The following SLC30A8 variants were observed in gnomAD, a reference collection of about 807,000 sequenced individuals.
The protein encoded by SLC30A8 is proton-coupled zinc antiporter SLC30A8.
In SLC30A8, 27 loss-of-function variants were observed where a neutral mutation model predicts 36.9. That is an observed-to-expected ratio of 0.73 (90% confidence interval 0.54 to 1.01). The LOEUF is 1.01. SLC30A8 is among the 50% of genes least tolerant of loss of function. The pLI is 0.00. For synonymous variants in SLC30A8, 164 were observed against 172.4 expected, an observed-to-expected ratio of 0.95 and a Z score of 0.38; for missense variants, 439 against 452.0, an observed-to-expected ratio of 0.97 and a Z score of 0.26.
At chr8:117,160,054 C>T (rs1041115210) in intron 4 of SLC30A8, among the ~76,000 whole-genome samples, 3 of 152,122 alleles carry the variant, frequency 2.0e-5, no homozygotes, top group African/African-American at 7.2e-5. Context: ...AATATTTTCT[C>T]CAAGAACTGG....
intron 1 of SLC30A8, among the ~76,000 whole-genome samples, chr8:117,030,259 A>T (rs1426504572): frequency 9.4e-6 from 1 of 106,012 alleles, no homozygotes; most frequent in Non-Finnish European, 2.2e-5. Context: ...TGCTTTTGTT[A>T]AAAAAAAAAA....
chr8:116,967,055 T>A (rs1814621746), intron 1 of SLC30A8, among the ~76,000 whole-genome samples: 1 of 152,230 alleles, frequency 6.6e-6, no homozygotes, highest in African/African-American at 2.4e-5. Flanking sequence ...TAAACAGCTA[T>A]AGCTTGTCAT....
chr8:117,037,227 G>A (rs1222858931), intron 1 of SLC30A8, among the ~76,000 whole-genome samples: 2 of 152,034 alleles, frequency 1.3e-5, no homozygotes, highest in African/African-American at 2.4e-5. Context: ...AATGTTTTAG[G>A]CATTCTCTGT....
chr8:117,118,096 A>G (rs1474083162), intron 2 of SLC30A8, among the ~76,000 whole-genome samples: 1 of 151,640 alleles, frequency 6.6e-6, no homozygotes, highest in African/African-American at 2.4e-5. Context: ...TAACTTCTTA[A>G]AGACTTAGCT....
chr8:116,968,479 G>A (rs1814675940), intron 1 of SLC30A8, among the ~76,000 whole-genome samples: 1 of 151,628 alleles, frequency 6.6e-6, no homozygotes, highest in South Asian at 2.1e-4. Flanking sequence ...ATTCATGGCA[G>A]AGACAGAGAG....
chr8:117,119,879 C>T (rs982650525), intron 2 of SLC30A8, among the ~76,000 whole-genome samples: 3 of 151,788 alleles, frequency 2.0e-5, no homozygotes, highest in African/African-American at 7.3e-5. Context: ...AAAACAATCC[C>T]ATTTACAATA....
At chr8:117,107,681 A>G (rs117782936) in intron 2 of SLC30A8, among the ~76,000 whole-genome samples, 2,398 of 152,240 alleles carry the variant, frequency 0.016, 28 homozygotes, top group Non-Finnish European at 0.021. Flanking sequence ...ATCCATTGCT[A>G]TAAGAGAACC....
chr8:117,146,804 G>C (rs904302130), intron 1 of SLC30A8, 150 bp from the exon 2 acceptor site: 9 of 1,433,038 alleles, frequency 6.3e-6, no homozygotes, highest in Non-Finnish European at 8.2e-6. Flanking sequence ...TCTAACACTT[G>C]ATATTTTCTT....
At chr8:116,978,073 C>T (rs1229725207) in intron 1 of SLC30A8, among the ~76,000 whole-genome samples, 1 of 152,048 alleles carries the variant, frequency 6.6e-6, no homozygotes, top group African/African-American at 2.4e-5. Context: ...AAGAAAAGCA[C>T]CCTTCCCATT....
intron 2 of SLC30A8, among the ~76,000 whole-genome samples, chr8:117,098,123 AG>A (rs1819542876): frequency 6.9e-6 from 1 of 145,614 alleles, no homozygotes. Context: ...GCTAAGTAAC[AG>A]GGTAGAAAAG....
At chr8:117,082,489 C>G (rs139048763) in intron 2 of SLC30A8, among the ~76,000 whole-genome samples, 1 of 152,034 alleles carries the variant, frequency 6.6e-6, no homozygotes, top group African/African-American at 2.4e-5. Context: ...TTTTCAGGTA[C>G]CAAAAATTCA....
At chr8:117,163,128 G>T (rs1397422734) in intron 5 of SLC30A8, among the ~76,000 whole-genome samples, 1 of 152,224 alleles carries the variant, frequency 6.6e-6, no homozygotes, top group Non-Finnish European at 1.5e-5. Flanking sequence ...TAATCTGCAA[G>T]AAGTTAAATC....
At chr8:117,124,752 C>T (rs948482619) in intron 2 of SLC30A8, among the ~76,000 whole-genome samples, 1 of 150,804 alleles carries the variant, frequency 6.6e-6, no homozygotes, top group Non-Finnish European at 1.5e-5. Context: ...ACATTGAGCA[C>T]ATTATGTACA....
intron 2 of SLC30A8, among the ~76,000 whole-genome samples, chr8:117,107,496 A>G (rs1039547163): frequency 2.0e-4 from 31 of 152,186 alleles, no homozygotes; most frequent in Admixed American, 1.8e-3. Context: ...ACACTGGTCA[A>G]TTATTAAAGA....
chr8:116,975,994 G>A (rs554782242), intron 1 of SLC30A8, among the ~76,000 whole-genome samples: 3 of 152,286 alleles, frequency 2.0e-5, no homozygotes, highest in Admixed American at 2.0e-4. Context: ...AGGAGAATGG[G>A]TTGAACTAGA....
chr8:117,000,639 AAAAG>A (rs1425367522), intron 1 of SLC30A8, among the ~76,000 whole-genome samples: 9 of 152,210 alleles, frequency 5.9e-5, no homozygotes. Context: ...AGACAGAAAA[AAAAG>A]AAAAAGCAAT....
chr8:117,127,308 T>C (rs980943166), intron 2 of SLC30A8, among the ~76,000 whole-genome samples: 3 of 152,070 alleles, frequency 2.0e-5, no homozygotes. Flanking sequence ...ACTTACTTTT[T>C]CTTTGGTAAT....
At chr8:117,069,556 A>G (rs190610276) in intron 2 of SLC30A8, among the ~76,000 whole-genome samples, 24 of 152,344 alleles carry the variant, frequency 1.6e-4, no homozygotes, top group African/African-American at 4.8e-4. Flanking sequence ...GGGGTTCCAG[A>G]GAAGAGTACA....
At chr8:117,011,413 C>CA (rs1816341156) in intron 1 of SLC30A8, among the ~76,000 whole-genome samples, 4 of 152,298 alleles carry the variant, frequency 2.6e-5, no homozygotes, top group Admixed American at 2.6e-4. Context: ...CTTGAAATGC[C>CA]AAATAGCTCG....
Sources: allele counts gnomAD v4.1 joint callset (sites outside exome capture counted in the v4.1 genomes callset), GRCh38; gene constraint gnomAD v4.1.1; transcripts MANE v1.5; gene names NCBI Gene and HGNC (gene_info 2026-07-23, HGNC 2026-07-21).